Variants in FARS2 observed in about 807,000 individuals in gnomAD.
The protein encoded by FARS2 is phenylalanine--tRNA ligase, mitochondrial.
Under a neutral mutation model 46.4 loss-of-function variants are expected in FARS2, and 40 were observed. The ratio of observed to expected loss-of-function variants is 0.86; its 90% CI spans 0.67 to 1.12. FARS2 has a LOEUF of 1.12. Among genes scored for constraint, FARS2 ranks in the 50% most tolerant of loss-of-function variants. The pLI is 0.00. For missense variants in FARS2, 513 were observed against 567.9 expected, an observed-to-expected ratio of 0.90 and a Z score of 0.98; for synonymous variants, 234 against 214.9, an observed-to-expected ratio of 1.09 and a Z score of -0.78.
intron 5 of FARS2, among the ~76,000 whole-genome samples, chr6:5,570,118 G>C (rs1158521789): frequency 6.6e-6 from 1 of 152,140 alleles, no homozygotes; most frequent in Non-Finnish European, 1.5e-5. Context: ...AGCTTTTGGA[G>C]GTCTGTTCTC....
In FARS2 at chr6:5,560,066, G is replaced by A. The variant is rs144670804; in HGVS notation, c.1065+14726G>A. Among the ~76,000 whole-genome samples, 318 of 152,276 alleles carry A rather than the reference G, an allele frequency of 2.1e-3. 3 individuals are homozygous for A. The highest frequency in any genetic ancestry group is 7.3e-3 in the African/African-American group (304 of 41,530). ...TTGAAAAAGCCATTTTACCATGAGT[G>A]ATTCTTTCATTCTTTTTGGAGTAAA... On this transcript the variant is annotated intron_variant, in intron 5 of 6. Coordinates refer to ENST00000274680, the MANE Select transcript of FARS2 (RefSeq NM_006567.5).
At chr6:5,383,922 T>C (rs1267548553) in intron 2 of FARS2, among the ~76,000 whole-genome samples, 1 of 152,212 alleles carries the variant, frequency 6.6e-6, no homozygotes, top group African/African-American at 2.4e-5. Context: ...ATGAGCTGTT[T>C]AGCCACCTGG....
intron 2 of FARS2, chr6:5,371,061 C>T (rs1759030723): frequency 3.1e-6 from 1 of 325,072 alleles, no homozygotes; most frequent in African/African-American, 2.2e-5. Context: ...AGAACTGGAA[C>T]TCAGCTCTTC....
At chr6:5,679,126 G>A (rs1048146570) in intron 6 of FARS2, among the ~76,000 whole-genome samples, 1 of 152,260 alleles carries the variant, frequency 6.6e-6, no homozygotes, top group Admixed American at 6.5e-5. Context: ...TTTTTTGCTG[G>A]TGAAGAGATG....
intron 4 of FARS2, among the ~76,000 whole-genome samples, chr6:5,515,694 G>A (rs1768742593): frequency 6.6e-6 from 1 of 152,168 alleles, no homozygotes; most frequent in Non-Finnish European, 1.5e-5. Flanking sequence ...CTCCCAAAGT[G>A]CTGGGATTAT....
At chr6:5,430,513 T>G (rs983364161) in intron 3 of FARS2, among the ~76,000 whole-genome samples, 1 of 151,988 alleles carries the variant, frequency 6.6e-6, no homozygotes, top group Non-Finnish European at 1.5e-5. Context: ...TTACTTAAGA[T>G]TGACTGATAG....
chr6:5,423,753 T>G (rs995648261), intron 3 of FARS2, among the ~76,000 whole-genome samples: 3 of 152,284 alleles, frequency 2.0e-5, no homozygotes, highest in Admixed American at 1.3e-4. Context: ...TCTGCAGCGC[T>G]GGACTCCAGG....
intron 4 of FARS2, among the ~76,000 whole-genome samples, chr6:5,462,842 T>A (rs1439302682): frequency 2.0e-5 from 3 of 152,232 alleles, no homozygotes; most frequent in African/African-American, 7.2e-5. Context: ...AAAATGTCTG[T>A]TGGAATTTTG....
chr6:5,628,826 A>G (rs1162403024), intron 6 of FARS2, among the ~76,000 whole-genome samples: 2 of 151,982 alleles, frequency 1.3e-5, no homozygotes, highest in Admixed American at 6.6e-5. Context: ...GCCGGTGGTA[A>G]CTCTCCTGTT....
intron 5 of FARS2, among the ~76,000 whole-genome samples, chr6:5,612,675 A>G (rs1775253776): frequency 6.6e-6 from 1 of 152,222 alleles, no homozygotes. Context: ...TAATTCCCCA[A>G]GGAACTACTT....
At chr6:5,650,788 C>T (rs1777320663) in intron 6 of FARS2, among the ~76,000 whole-genome samples, 1 of 152,162 alleles carries the variant, frequency 6.6e-6, no homozygotes, top group South Asian at 2.1e-4. Context: ...AAGTGGGACA[C>T]ATTTCCAATA....
At chr6:5,737,435 G>A (rs999429182) in intron 6 of FARS2, among the ~76,000 whole-genome samples, 2 of 152,200 alleles carry the variant, frequency 1.3e-5, no homozygotes, top group Non-Finnish European at 2.9e-5. Flanking sequence ...AGAGGCTAAG[G>A]CAGAAGAATT....
At chr6:5,252,048 T>C in the FARS2 span, among the ~76,000 whole-genome samples, 1 of 152,212 alleles carries the variant, frequency 6.6e-6, no homozygotes, top group Non-Finnish European at 1.5e-5. Flanking sequence ...AGTTGTGTAG[T>C]ACATAGTAAG....
chr6:5,737,173 A>C (rs1025271476), intron 6 of FARS2, among the ~76,000 whole-genome samples: 1 of 152,178 alleles, frequency 6.6e-6, no homozygotes, highest in Non-Finnish European at 1.5e-5. Flanking sequence ...ACAGAAATAC[A>C]CTCAGAGCCA....
At chr6:5,376,730 G>C (rs1759406614) in intron 2 of FARS2, among the ~76,000 whole-genome samples, 1 of 152,156 alleles carries the variant, frequency 6.6e-6, no homozygotes, top group Non-Finnish European at 1.5e-5. Context: ...TGGATATTCA[G>C]AATGCACCCA....
intron 1 of FARS2, among the ~76,000 whole-genome samples, chr6:5,328,669 A>G (rs897773842): frequency 6.6e-6 from 1 of 151,936 alleles, no homozygotes. Flanking sequence ...TATTTATGGT[A>G]TCTCGGTGAC....
chr6:5,581,261 A>G (rs895599140), intron 5 of FARS2, among the ~76,000 whole-genome samples: 1 of 152,250 alleles, frequency 6.6e-6, no homozygotes, highest in African/African-American at 2.4e-5. Context: ...CAGTTTCAGA[A>G]CATTTACTGC....
chr6:5,691,884 A>G (rs955398922), intron 6 of FARS2, among the ~76,000 whole-genome samples: 1 of 152,114 alleles, frequency 6.6e-6, no homozygotes, highest in Non-Finnish European at 1.5e-5. Context: ...CACCTTGTCA[A>G]TGGCAGGTGC....
chr6:5,590,868 C>T (rs371797844), intron 5 of FARS2, among the ~76,000 whole-genome samples: 1 of 151,864 alleles, frequency 6.6e-6, no homozygotes, highest in Non-Finnish European at 1.5e-5. Flanking sequence ...TTTTAAATTT[C>T]CTAACAGCTC....
Sources: allele counts gnomAD v4.1 joint callset (sites outside exome capture counted in the v4.1 genomes callset), GRCh38; gene constraint gnomAD v4.1.1; transcripts MANE v1.5; gene names NCBI Gene and HGNC (gene_info 2026-07-23, HGNC 2026-07-21).